The following TMEM212 variants were observed in gnomAD, a reference collection of about 807,000 sequenced individuals.
The protein encoded by TMEM212 is transmembrane protein 212.
TMEM212 carries 23 observed loss-of-function variants against 20.5 expected under a neutral mutation model. The observed-to-expected ratio is 1.12, with a 90% CI of 0.81 to 1.59. The LOEUF is 1.59. TMEM212 is among the 40% of genes most tolerant of loss of function. The pLI, the probability that TMEM212 is intolerant of heterozygous loss-of-function variation, is 0.00. For missense variants in TMEM212, 211 were observed against 215.0 expected, an observed-to-expected ratio of 0.98 and a Z score of 0.12; for synonymous variants, 76 against 81.6, an observed-to-expected ratio of 0.93 and a Z score of 0.37.
intron 1 of TMEM212, among the ~76,000 whole-genome samples, chr3:171,844,566 C>T (rs183661637): frequency 1.0e-3 from 156 of 152,106 alleles, no homozygotes; most frequent in Non-Finnish European, 1.9e-3. Flanking sequence ...ATTAGCTAGG[C>T]GTGGTGGCAT....
In TMEM212 at chr3:171,853,664, C is replaced by T; in HGVS notation, c.357C>T (p.Gly119=). 2 of 1,537,494 alleles carry T rather than the reference C, an allele frequency of 1.3e-6. No individual in the cohort carries two copies. Among genetic ancestry groups the T allele is most frequent in the South Asian group, 2.4e-5 (2 of 84,060 alleles). ...GGATTGCAGGGACTAATTACCTTGG[C>T]TATGCAGTTACCTTTCCTTATCCAT... ...FSGIAGTNYL[G]YAVTFPYPYA... The change falls in exon 3 of 5, where the codon GGC becomes GGT. Residue 119 remains glycine (G), a synonymous_variant. Coordinates refer to ENST00000334567, the MANE Select transcript of TMEM212 (RefSeq NM_001164436.2).
At chr3:171,845,796 A>G (rs1724817379) in intron 1 of TMEM212, among the ~76,000 whole-genome samples, 1 of 152,172 alleles carries the variant, frequency 6.6e-6, no homozygotes, top group Non-Finnish European at 1.5e-5. Flanking sequence ...CATTCCCTTT[A>G]TCTGTAAAAT....
At chr3:171,856,848 G>T in intron 4 of TMEM212, 141 bp downstream of exon 4, 1 of 428,890 alleles carries the variant, frequency 2.3e-6, no homozygotes, top group Non-Finnish European at 4.2e-6. Context: ...TATTAAAATG[G>T]GTACTGCATC....
rs1725182335 is a variant in TMEM212, at chr3:171,858,867, A to C, written c.*810A>C. On this transcript the variant is annotated 3_prime_UTR_variant, in exon 5 of 5. Transcript: ENST00000334567. ...CATGCACACGTATGTTTATTGCGGC[A>C]CTATTCACAATAGTAAAGACTTGGA... 1 of 152,234 alleles carries C rather than the reference A, an allele frequency of 6.6e-6. No homozygotes were observed. 9.4% of individuals were successfully genotyped at this position (152,234 alleles called of 1,614,324 possible). A position where few individuals can be genotyped will look rare whatever the true frequency, so the allele number is the denominator to read the frequency against.
chr3:171,857,663 T>C (rs898751438), intron 4 of TMEM212, among the ~76,000 whole-genome samples: 1 of 152,088 alleles, frequency 6.6e-6, no homozygotes, highest in Non-Finnish European at 1.5e-5. Flanking sequence ...CCAAAATATA[T>C]AAGGAACTCA....
chr3:171,853,324 A>G (rs80093409), intron 2 of TMEM212, among the ~76,000 whole-genome samples: 11,708 of 137,606 alleles, frequency 0.085, 1,332 homozygotes, highest in East Asian at 0.54. Flanking sequence ...TTAAAAAGTG[A>G]AAAAAAAAAA....
At chr3:171,850,853 G>A (rs183396884) in intron 1 of TMEM212, among the ~76,000 whole-genome samples, 11 of 152,176 alleles carry the variant, frequency 7.2e-5, no homozygotes, top group African/African-American at 1.4e-4. Context: ...GTGTGTGCAC[G>A]CGCGTGTGTG....
intron 1 of TMEM212, among the ~76,000 whole-genome samples, chr3:171,844,218 C>A (rs533073810): frequency 6.6e-6 from 1 of 152,110 alleles, no homozygotes; most frequent in Non-Finnish European, 1.5e-5. Flanking sequence ...GGTCCCTTAG[C>A]TCTCCAACCA....
At chr3:171,852,597 C>T (rs184761031) in intron 2 of TMEM212, among the ~76,000 whole-genome samples, 1 of 152,298 alleles carries the variant, frequency 6.6e-6, no homozygotes, top group East Asian at 1.9e-4. Context: ...GTTAGTGCTC[C>T]TAAATTTCAT....
intron 3 of TMEM212, among the ~76,000 whole-genome samples, chr3:171,854,874 T>G (rs1468329488): frequency 6.6e-6 from 1 of 152,204 alleles, no homozygotes; most frequent in East Asian, 1.9e-4. Flanking sequence ...TTGGCTTTGT[T>G]GTTCAAGAAA....
rs186720957 is a variant in TMEM212, at chr3:171,853,380, A to T, written c.220-147A>T. The T allele has an allele frequency of 5.6e-3, 3,944 of 706,250 alleles. 22 individuals are homozygous for T. The highest frequency in any genetic ancestry group is 0.013 in the Middle Eastern group (33 of 2,498). 43.7% of individuals were successfully genotyped at this position (706,250 alleles called of 1,614,324 possible). A position where few individuals can be genotyped will look rare whatever the true frequency, so the allele number is the denominator to read the frequency against. On this transcript the variant is annotated intron_variant, in intron 2 of 4. Transcript: ENST00000334567. ...GACATTTTTAAGGGAAAATGAAAATATAAAGAGAGAGTCGTGATTGATTTC... is the reference window on the plus strand; with the variant it reads ...GACATTTTTAAGGGAAAATGAAAATTTAAAGAGAGAGTCGTGATTGATTTC...
At chr3:171,845,321 T>C (rs1010424879) in intron 1 of TMEM212, among the ~76,000 whole-genome samples, 1 of 152,228 alleles carries the variant, frequency 6.6e-6, no homozygotes, top group East Asian at 1.9e-4. Flanking sequence ...AGTAGATGTT[T>C]ATATATCTAT....
At chr3:171,844,917 T>C (rs1389886781) in intron 1 of TMEM212, among the ~76,000 whole-genome samples, 1 of 152,146 alleles carries the variant, frequency 6.6e-6, no homozygotes, top group African/African-American at 2.4e-5. Flanking sequence ...AGGAACTTGG[T>C]CTAGTGGGGT....
chr3:171,844,935 A>G (rs373299766), intron 1 of TMEM212, among the ~76,000 whole-genome samples: 135 of 152,298 alleles, frequency 8.9e-4, no homozygotes, highest in African/African-American at 3.1e-3. Flanking sequence ...GGTTTGATGA[A>G]TGTGTGCAGA....
chr3:171,851,370 CAG>C (rs1724972532), intron 1 of TMEM212, among the ~76,000 whole-genome samples: 1 of 152,162 alleles, frequency 6.6e-6, no homozygotes, highest in South Asian at 2.1e-4. Context: ...TTTCCTTCAA[CAG>C]AGACTATAAA....
chr3:171,853,473 G>T, intron 2 of TMEM212, 54 bp from the exon 3 acceptor site: 2 of 1,437,714 alleles, frequency 1.4e-6, no homozygotes, highest in Non-Finnish European at 9.3e-7. Flanking sequence ...TTGCTAAGAA[G>T]CCTTTGAAAT....
chr3:171,853,748 A>C lies in TMEM212; in HGVS notation c.441A>C (p.Thr147=). 6.5e-7 allele frequency: 1 copy of C among 1,537,404 alleles called. No individual in the cohort carries two copies. Among genetic ancestry groups the C allele is most frequent in the Non-Finnish European group, 8.7e-7 (1 of 1,146,896 alleles). ...DPPHYEEYHL[T]LQALDLCLSF... ...CACACTACGAAGAGTACCACCTGAC[A>C]CTTCAAGCCCTAGACCTGTGCCTAA... Residue 147 remains threonine, a synonymous_variant, in exon 3 of 5, where the codon ACA becomes ACC. Transcript: ENST00000334567.
At chr3:171,853,956 C>T (rs1213753261) in intron 3 of TMEM212, 106 bp downstream of exon 3, 1 of 858,214 alleles carries the variant, frequency 1.2e-6, no homozygotes. Context: ...ACCATTGTAT[C>T]CCATATGCTT....
At chr3:171,846,003 G>A (rs568705318) in intron 1 of TMEM212, among the ~76,000 whole-genome samples, 1 of 152,046 alleles carries the variant, frequency 6.6e-6, no homozygotes, top group Non-Finnish European at 1.5e-5. Context: ...TCTTAATCCT[G>A]TGTCACCCAC....
Sources: gnomAD v4.1 joint callset for allele counts (sites outside exome capture counted in the v4.1 genomes callset) on GRCh38, gnomAD v4.1.1 for gene constraint, MANE v1.5 for transcripts, NCBI Gene and HGNC (gene_info 2026-07-23, HGNC 2026-07-21) for gene names.